Variants in CIMIP3 observed in about 807,000 individuals in gnomAD.
CIMIP3 encodes the protein ciliary microtubule inner protein 3, also known as GUCA1A neighbor.
chr6:42,158,812 G>A, the CIMIP3 span, among the ~76,000 whole-genome samples: 2 of 152,166 alleles, frequency 1.3e-5, no homozygotes, highest in African/African-American at 4.8e-5. Flanking sequence ...CCATCTGTGG[G>A]CTGCTCTCTT....
At chr6:42,161,910 A>G in the CIMIP3 span, among the ~76,000 whole-genome samples, 133 of 152,096 alleles carry the variant, frequency 8.7e-4, 1 homozygote, top group African/African-American at 3.0e-3. Flanking sequence ...CTGAAACTCT[A>G]ATGGGAAAGA....
At chr6:42,163,179 G>A in the CIMIP3 span, 123 of 616,512 alleles carry the variant, frequency 2.0e-4, no homozygotes, top group African/African-American at 5.2e-4. Context: ...TACCTGTACC[G>A]CCGGGACACT....
the CIMIP3 span, among the ~76,000 whole-genome samples, chr6:42,156,810 G>A: frequency 2.3e-4 from 35 of 152,388 alleles, no homozygotes; most frequent in African/African-American, 7.2e-4. Context: ...TGTAAGAACA[G>A]GGTCAGGCCC....
chr6:42,155,875 A>G, the CIMIP3 span, among the ~76,000 whole-genome samples: 1 of 152,342 alleles, frequency 6.6e-6, no homozygotes, highest in South Asian at 2.1e-4. Context: ...CTAGCTCATT[A>G]AGTCCTCACA....
chr6:42,157,213 G>A, the CIMIP3 span, among the ~76,000 whole-genome samples: 1 of 152,150 alleles, frequency 6.6e-6, no homozygotes. Context: ...GGGTCCGCCT[G>A]TGGGGATGGG....
At chr6:42,160,177 C>T in the CIMIP3 span, among the ~76,000 whole-genome samples, 9 of 151,608 alleles carry the variant, frequency 5.9e-5, no homozygotes, top group Non-Finnish European at 1.2e-4. Context: ...TTTATAGAGA[C>T]AAGGTCTCCC....
At chr6:42,160,819 A>G in the CIMIP3 span, among the ~76,000 whole-genome samples, 1 of 152,238 alleles carries the variant, frequency 6.6e-6, no homozygotes, top group Non-Finnish European at 1.5e-5. Flanking sequence ...ATACCTGGGT[A>G]GGAACCAATA....
At chr6:42,159,688 G>T in the CIMIP3 span, among the ~76,000 whole-genome samples, 2 of 152,240 alleles carry the variant, frequency 1.3e-5, no homozygotes, top group Admixed American at 1.3e-4. Context: ...TCAGTGGGTT[G>T]ATGAAATGAG....
the CIMIP3 span, among the ~76,000 whole-genome samples, chr6:42,159,424 T>C: frequency 6.6e-6 from 1 of 152,218 alleles, no homozygotes; most frequent in Admixed American, 6.5e-5. Context: ...TGGTTGTGAA[T>C]GAACGAATGA....
At chr6:42,157,263 C>T in the CIMIP3 span, among the ~76,000 whole-genome samples, 1 of 152,122 alleles carries the variant, frequency 6.6e-6, no homozygotes, top group Non-Finnish European at 1.5e-5. Context: ...GACAAGGTCT[C>T]ACTCTGTCAC....
chr6:42,156,265 GGATTACAGGCGT>G, the CIMIP3 span, among the ~76,000 whole-genome samples: 4 of 151,634 alleles, frequency 2.6e-5, no homozygotes, highest in African/African-American at 9.7e-5. Context: ...CAAAGTGCTG[GGATTACAGGCGT>G]GAGCCACTGT....
At chr6:42,158,520 C>T in the CIMIP3 span, among the ~76,000 whole-genome samples, 1 of 152,184 alleles carries the variant, frequency 6.6e-6, no homozygotes, top group Non-Finnish European at 1.5e-5. Flanking sequence ...GGACCCAGGG[C>T]AGGTGGGCCC....
the CIMIP3 span, among the ~76,000 whole-genome samples, chr6:42,156,789 G>A: frequency 1.3e-5 from 2 of 152,292 alleles, no homozygotes; most frequent in East Asian, 3.9e-4. Context: ...CTTGCCCAAG[G>A]TCGCCTGACC....
chr6:42,159,074 C>A, the CIMIP3 span, among the ~76,000 whole-genome samples: 75,409 of 152,046 alleles, frequency 0.5, 19,947 homozygotes, highest in East Asian at 0.59. Context: ...CAGGAAAGGA[C>A]GCATTCTCCA....
At chr6:42,155,929 T>C in the CIMIP3 span, among the ~76,000 whole-genome samples, 1 of 152,200 alleles carries the variant, frequency 6.6e-6, no homozygotes, top group East Asian at 1.9e-4. Context: ...ACATTATACT[T>C]CGGAAAATTG....
At chr6:42,162,358 T>C in the CIMIP3 span, among the ~76,000 whole-genome samples, 3 of 150,566 alleles carry the variant, frequency 2.0e-5, no homozygotes, top group Admixed American at 1.3e-4. Context: ...GAGGTTGCAG[T>C]GAGCCGAGAT....
chr6:42,156,606 T>C, the CIMIP3 span, among the ~76,000 whole-genome samples: 1 of 152,292 alleles, frequency 6.6e-6, no homozygotes, highest in Non-Finnish European at 1.5e-5. Context: ...TTCAGACAGG[T>C]ATGTGTGTGA....
At chr6:42,162,165 G>A in the CIMIP3 span, among the ~76,000 whole-genome samples, 1 of 133,088 alleles carries the variant, frequency 7.5e-6, no homozygotes, top group African/African-American at 2.8e-5. Flanking sequence ...TGTTATCCCA[G>A]CACTTTGGGA....
the CIMIP3 span, among the ~76,000 whole-genome samples, chr6:42,155,967 G>A: frequency 6.6e-6 from 1 of 152,088 alleles, no homozygotes; most frequent in Admixed American, 6.5e-5. Flanking sequence ...TTTGCCTAAG[G>A]ATCAGGCAGC....
Sources: gnomAD v4.1 joint callset for allele counts (sites outside exome capture counted in the v4.1 genomes callset) on GRCh38, gnomAD v4.1.1 for gene constraint, MANE v1.5 for transcripts, NCBI Gene and HGNC (gene_info 2026-07-23, HGNC 2026-07-21) for gene names.